RAB27B: variants seen among roughly 807,000 people sequenced by gnomAD.
RAB27B encodes RAB27B, member RAS oncogene family.
Under a neutral mutation model 24.6 loss-of-function variants are expected in RAB27B, and 15 were observed. The observed-to-expected ratio is 0.61, with a 90% CI of 0.41 to 0.94. The LOEUF is 0.94. Among genes scored for constraint, RAB27B ranks in the 40% least tolerant of loss-of-function variants. RAB27B has a pLI of 0.00. For missense variants in RAB27B, 261 were observed against 266.8 expected, an observed-to-expected ratio of 0.98 and a Z score of 0.15; for synonymous variants, 105 against 92.5, an observed-to-expected ratio of 1.14 and a Z score of -0.78.
chr18:54,845,060 G>A (rs550422130), intron 1 of RAB27B, among the ~76,000 whole-genome samples: 49 of 152,108 alleles, frequency 3.2e-4, no homozygotes, highest in Non-Finnish European at 6.6e-4. Flanking sequence ...AGACGTATTA[G>A]CATCACAATG....
chr18:54,855,158 C>T (rs1017508331), intron 1 of RAB27B, among the ~76,000 whole-genome samples: 4 of 152,140 alleles, frequency 2.6e-5, no homozygotes, highest in African/African-American at 9.7e-5. Flanking sequence ...CTTGCATGTG[C>T]AGTTCACAAT....
chr18:54,891,750 T>C lies in RAB27B; in HGVS notation c.*2337T>C, dbSNP rs918274841. 6.6e-6 allele frequency: 1 copy of C among 152,076 alleles called. No individual in the cohort carries two copies. Among genetic ancestry groups the C allele is most frequent in the African/African-American group, 2.4e-5 (1 of 41,432 alleles). The allele number at this position is 152,076 out of a possible 1,614,324, so 9.4% of individuals were successfully genotyped here. Reference sequence around the variant, plus strand: ...TTATTTAATGAGTGTTTTTTCAGGGTCTGTTTTAAGATCATTATTTGATAG... The same window carrying C: ...TTATTTAATGAGTGTTTTTTCAGGGCCTGTTTTAAGATCATTATTTGATAG... On this transcript the variant is annotated 3_prime_UTR_variant, in exon 6 of 6. Coordinates refer to ENST00000262094, the MANE Select transcript of RAB27B (RefSeq NM_004163.4).
At chr18:54,811,318 G>T (rs1368546521) in intron 2 of RAB27B, among the ~76,000 whole-genome samples, 1 of 152,068 alleles carries the variant, frequency 6.6e-6, no homozygotes, top group African/African-American at 2.4e-5. Flanking sequence ...AGATGGCTGG[G>T]GTAAAGCTTG....
chr18:54,750,368 G>A (rs530172770), intron 2 of RAB27B, among the ~76,000 whole-genome samples: 1 of 152,160 alleles, frequency 6.6e-6, no homozygotes, highest in Non-Finnish European at 1.5e-5. Flanking sequence ...AATTTTTAAT[G>A]TTTAAAGTTT....
At chr18:54,869,545 A>G (rs1174410904) in intron 1 of RAB27B, among the ~76,000 whole-genome samples, 1 of 152,246 alleles carries the variant, frequency 6.6e-6, no homozygotes, top group African/African-American at 2.4e-5. Context: ...AAACTGGAGT[A>G]AAACTGGAGA....
At chr18:54,769,091 G>A (rs1482466101) in intron 2 of RAB27B, among the ~76,000 whole-genome samples, 1 of 152,118 alleles carries the variant, frequency 6.6e-6, no homozygotes, top group Non-Finnish European at 1.5e-5. Flanking sequence ...ACAGTCCATA[G>A]TCTCATCTGA....
chr18:54,840,711 C>T (rs1399579912), intron 1 of RAB27B, among the ~76,000 whole-genome samples: 1 of 152,142 alleles, frequency 6.6e-6, no homozygotes, highest in Non-Finnish European at 1.5e-5. Flanking sequence ...CTTTTGTCTT[C>T]CTCCTGTAGA....
At chr18:54,778,873 ACT>A (rs1239635271) in intron 2 of RAB27B, among the ~76,000 whole-genome samples, 5 of 146,678 alleles carry the variant, frequency 3.4e-5, no homozygotes, top group Non-Finnish European at 7.4e-5. Context: ...ACAGAGTCTT[ACT>A]CTGTCACCAG....
rs961888729 is a variant in RAB27B at position 54,890,232 on chromosome 18, A to T, written c.*819A>T. 3 of 152,170 alleles carry T rather than the reference A, an allele frequency of 2.0e-5. No individual in the cohort carries two copies. Among genetic ancestry groups the T allele is most frequent in the African/African-American group, 7.2e-5 (3 of 41,448 alleles). The allele number at this position is 152,170 out of a possible 1,614,324, so 9.4% of individuals were successfully genotyped here. A position where few individuals can be genotyped will look rare whatever the true frequency, so the allele number is the denominator to read the frequency against. On this transcript the variant is annotated 3_prime_UTR_variant, in exon 6 of 6. Coordinates refer to ENST00000262094, the MANE Select transcript of RAB27B (RefSeq NM_004163.4). The stretch of plus-strand genomic sequence containing the variant: ...AAGCCAATTAGGAGCTGATATTATC[A>T]GTTGGAATTAAGAGAACTCCAGAGG...
intron 2 of RAB27B, among the ~76,000 whole-genome samples, chr18:54,723,532 A>G (rs1909427550): frequency 6.6e-6 from 1 of 152,214 alleles, no homozygotes; most frequent in South Asian, 2.1e-4. Flanking sequence ...ATATAGTATA[A>G]TCCTGAATAT....
chr18:54,813,519 G>A (rs915306098), intron 2 of RAB27B, among the ~76,000 whole-genome samples: 6 of 152,176 alleles, frequency 3.9e-5, no homozygotes, highest in African/African-American at 1.4e-4. Flanking sequence ...GTTTCAAAGA[G>A]CATGGCACCT....
intron 2 of RAB27B, among the ~76,000 whole-genome samples, chr18:54,728,903 C>CAA (rs58878407): frequency 0.42 from 28,622 of 68,710 alleles, 6,026 homozygotes; most frequent in Non-Finnish European, 0.47. Context: ...AAAAAAAACC[C>CAA]AAAAAAAAAA....
chr18:54,845,504 C>A (rs1170001471), intron 1 of RAB27B, among the ~76,000 whole-genome samples: 1 of 151,064 alleles, frequency 6.6e-6, no homozygotes, highest in African/African-American at 2.4e-5. Context: ...AGGATCATTG[C>A]AACAGAAAAA....
At chr18:54,801,773 A>G (rs1475698330) in intron 2 of RAB27B, among the ~76,000 whole-genome samples, 1 of 152,200 alleles carries the variant, frequency 6.6e-6, no homozygotes, top group Non-Finnish European at 1.5e-5. Flanking sequence ...CACTGTGAGA[A>G]CCACTGCCTT....
chr18:54,874,626 C>T (rs1208171376), intron 1 of RAB27B, among the ~76,000 whole-genome samples: 2 of 151,576 alleles, frequency 1.3e-5, no homozygotes, highest in South Asian at 2.1e-4. Flanking sequence ...GTCTTATTGA[C>T]TCCATTCTTT....
At chr18:54,881,948 G>T (rs1209122592) in intron 3 of RAB27B, among the ~76,000 whole-genome samples, 2 of 152,128 alleles carry the variant, frequency 1.3e-5, no homozygotes, top group Non-Finnish European at 2.9e-5. Context: ...CTTAAGGAGA[G>T]AACAAAGAGC....
intron 1 of RAB27B, among the ~76,000 whole-genome samples, chr18:54,854,625 G>T (rs1016219651): frequency 1.3e-5 from 2 of 152,112 alleles, no homozygotes; most frequent in Non-Finnish European, 2.9e-5. Context: ...CAGGTTCTGA[G>T]AACTCAACAT....
At chr18:54,762,425 C>T (rs913823930) in intron 2 of RAB27B, among the ~76,000 whole-genome samples, 1 of 152,002 alleles carries the variant, frequency 6.6e-6, no homozygotes, top group Admixed American at 6.6e-5. Context: ...TTAAGCCATC[C>T]AGTTGGTTGT....
Position 54,877,631 on chromosome 18 carries a change from G to T in RAB27B, c.46G>T (p.Gly16Trp), listed in dbSNP as rs772473656. Residue 16 changes from glycine (G) to tryptophan (W), a missense_variant, in exon 2 of 6, where the codon GGG becomes TGG. Gly to Trp is a radical substitution (Grantham distance 184). Coordinates refer to ENST00000262094, the MANE Select transcript of RAB27B (RefSeq NM_004163.4). Reference sequence around the variant, plus strand: ...TTATCTGATCAAACTCCTGGCCCTCGGGGATTCAGGGGTGGGGAAGACAAC... The same window carrying T: ...TTATCTGATCAAACTCCTGGCCCTCTGGGATTCAGGGGTGGGGAAGACAAC... The part of the protein sequence containing the change: ...YDYLIKLLAL[G>W]DSGVGKTTFL... 1.9e-6 allele frequency: 3 copies of T among 1,591,358 alleles called. No individual in the cohort carries two copies. Among genetic ancestry groups the T allele is most frequent in the Non-Finnish European group, 2.6e-6 (3 of 1,173,290 alleles).
Sources: gnomAD v4.1 joint callset for allele counts (sites outside exome capture counted in the v4.1 genomes callset) on GRCh38, gnomAD v4.1.1 for gene constraint, MANE v1.5 for transcripts, NCBI Gene and HGNC (gene_info 2026-07-23, HGNC 2026-07-21) for gene names.